Variants in FMNL2 observed in about 807,000 individuals in gnomAD.
FMNL2 encodes the protein formin like 2.
In FMNL2, 51 loss-of-function variants were observed where a neutral mutation model predicts 130.2. The observed-to-expected ratio is 0.39, with a 90% confidence interval of 0.31 to 0.49. The LOEUF is 0.49. Among genes scored for constraint, FMNL2 ranks in the 20% least tolerant of loss-of-function variants. The pLI is 0.85. For missense variants in FMNL2, 977 were observed against 1,316.2 expected, an observed-to-expected ratio of 0.74 and a Z score of 3.99; for synonymous variants, 465 against 467.1, an observed-to-expected ratio of 1.00 and a Z score of 0.06.
intron 1 of FMNL2, among the ~76,000 whole-genome samples, chr2:152,512,918 G>A (rs1381684357): frequency 1.3e-5 from 2 of 152,100 alleles, no homozygotes; most frequent in South Asian, 2.1e-4. Context: ...CTTTACATGC[G>A]TTATCTGATT....
intron 9 of FMNL2, among the ~76,000 whole-genome samples, chr2:152,594,748 C>A (rs1415241766): frequency 6.6e-6 from 1 of 152,240 alleles, no homozygotes; most frequent in Non-Finnish European, 1.5e-5. Context: ...CCCACTGCAG[C>A]TCAACAGCCA....
At chr2:152,475,761 A>G (rs981038440) in intron 1 of FMNL2, among the ~76,000 whole-genome samples, 1 of 152,142 alleles carries the variant, frequency 6.6e-6, no homozygotes, top group Non-Finnish European at 1.5e-5. Flanking sequence ...AGCCTCCCAA[A>G]GTGCTGGGGT....
At chr2:152,406,424 A>C (rs1258981004) in intron 1 of FMNL2, among the ~76,000 whole-genome samples, 1 of 152,122 alleles carries the variant, frequency 6.6e-6, no homozygotes, top group African/African-American at 2.4e-5. Context: ...GAGGAAAGAG[A>C]CTGGTGTGTG....
At chr2:152,492,033 A>T (rs1691238106) in intron 1 of FMNL2, among the ~76,000 whole-genome samples, 1 of 152,236 alleles carries the variant, frequency 6.6e-6, no homozygotes, top group Non-Finnish European at 1.5e-5. Context: ...TTTATGTACT[A>T]TGAAAAATAG....
chr2:152,502,983 C>A (rs1261518429), intron 1 of FMNL2, among the ~76,000 whole-genome samples: 1 of 151,992 alleles, frequency 6.6e-6, no homozygotes, highest in Non-Finnish European at 1.5e-5. Context: ...GTTTTCCGGG[C>A]AAGTGATAGT....
At chr2:152,534,195 A>G (rs1334870503) in intron 2 of FMNL2, among the ~76,000 whole-genome samples, 2 of 152,210 alleles carry the variant, frequency 1.3e-5, no homozygotes, top group African/African-American at 4.8e-5. Context: ...TATGTTCACA[A>G]GCATGCTTTC....
rs1179583582 is a variant in FMNL2 at position 152,512,962 on chromosome 2, C to T, written c.118-8981C>T. Among the ~76,000 whole-genome samples, 3 of 152,234 alleles carry T rather than the reference C, an allele frequency of 2.0e-5. No individual in the cohort carries two copies. In the East Asian group the frequency reaches 5.8e-4, roughly 29 times the overall value. ...TGAAACTTCTGTATGTGTATTCACA[C>T]ACGTGCACAAACACCCTCCAACATA... On this transcript the variant is annotated intron_variant, in intron 1 of 25. Coordinates refer to ENST00000288670, the MANE Select transcript of FMNL2 (RefSeq NM_052905.4).
At chr2:152,415,703 G>C (rs1413778683) in intron 1 of FMNL2, among the ~76,000 whole-genome samples, 2 of 152,156 alleles carry the variant, frequency 1.3e-5, no homozygotes, top group African/African-American at 4.8e-5. Flanking sequence ...TTCCAAATAA[G>C]CCAGTTGTGG....
chr2:152,353,547 T>A (rs182135902), intron 1 of FMNL2, among the ~76,000 whole-genome samples: 1 of 152,314 alleles, frequency 6.6e-6, no homozygotes, highest in Admixed American at 6.5e-5. Context: ...TAACAAAGCT[T>A]GTTTATGATC....
intron 9 of FMNL2, among the ~76,000 whole-genome samples, chr2:152,589,776 G>A (rs1461974972): frequency 6.6e-6 from 1 of 151,500 alleles, no homozygotes; most frequent in Non-Finnish European, 1.5e-5. Context: ...TTTCGTGAAA[G>A]GCCTATTTAA....
At chr2:152,577,883 A>G (rs1696563110) in intron 7 of FMNL2, among the ~76,000 whole-genome samples, 1 of 152,196 alleles carries the variant, frequency 6.6e-6, no homozygotes, top group African/African-American at 2.4e-5. Flanking sequence ...AAAGGATAGC[A>G]GAGAAATGAG....
At chr2:152,402,152 T>A (rs1033135160) in intron 1 of FMNL2, among the ~76,000 whole-genome samples, 1 of 152,142 alleles carries the variant, frequency 6.6e-6, no homozygotes, top group Non-Finnish European at 1.5e-5. Context: ...TCCGCCCGCC[T>A]TGGCCTCCCA....
At chr2:152,534,532 G>A (rs61101883) in intron 2 of FMNL2, among the ~76,000 whole-genome samples, 7,111 of 149,336 alleles carry the variant, frequency 0.048, 290 homozygotes, top group East Asian at 0.21. Flanking sequence ...TTGCCTAATG[G>A]TTTCTACAAG....
intron 1 of FMNL2, among the ~76,000 whole-genome samples, chr2:152,378,580 ATG>A (rs1436201567): frequency 1.3e-5 from 2 of 152,172 alleles, no homozygotes; most frequent in African/African-American, 4.8e-5. Context: ...AGAAGAACTA[ATG>A]TTTATTCTCT....
chr2:152,404,983 T>G (rs997049439), intron 1 of FMNL2, among the ~76,000 whole-genome samples: 4 of 152,188 alleles, frequency 2.6e-5, no homozygotes, highest in African/African-American at 9.7e-5. Flanking sequence ...TGACGGGGGT[T>G]CTTACCAGTC....
At chr2:152,593,868 T>A (rs1258756231) in intron 9 of FMNL2, among the ~76,000 whole-genome samples, 3,870 of 87,750 alleles carry the variant, frequency 0.044, 133 homozygotes, top group East Asian at 0.19. Context: ...AGAGTGTGTG[T>A]GTGTGTGTGT....
intron 6 of FMNL2, among the ~76,000 whole-genome samples, chr2:152,562,319 A>G (rs1695577809): frequency 6.6e-6 from 1 of 152,184 alleles, no homozygotes; most frequent in Non-Finnish European, 1.5e-5. Context: ...ATCTGGCAAG[A>G]GGACATTATT....
chr2:152,586,174 T>C (rs979453215), intron 9 of FMNL2, among the ~76,000 whole-genome samples: 1 of 152,188 alleles, frequency 6.6e-6, no homozygotes, highest in Non-Finnish European at 1.5e-5. Flanking sequence ...GTTTGGTTAT[T>C]AAAGGCTCAA....
At chr2:152,381,468 CTT>C (rs1458799941) in intron 1 of FMNL2, among the ~76,000 whole-genome samples, 2 of 152,136 alleles carry the variant, frequency 1.3e-5, no homozygotes, top group African/African-American at 4.8e-5. Context: ...GTCTGAATAT[CTT>C]TGTTCACAGC....
Sources: allele counts gnomAD v4.1 joint callset (sites outside exome capture counted in the v4.1 genomes callset), GRCh38; gene constraint gnomAD v4.1.1; transcripts MANE v1.5; gene names NCBI Gene and HGNC (gene_info 2026-07-23, HGNC 2026-07-21).